Variants in TRANK1 observed in about 807,000 individuals in gnomAD.
The protein encoded by TRANK1 is TPR and ankyrin repeat-containing protein 1.
TRANK1 carries 198 observed loss-of-function variants against 266.0 expected under a neutral mutation model. That is an observed-to-expected ratio of 0.74 (90% CI 0.66 to 0.84). The LOEUF is 0.84. TRANK1 is among the 40% of genes least tolerant of loss of function. TRANK1 has a pLI of 0.00. For missense variants in TRANK1, 3,326 were observed against 3,634.6 expected, an observed-to-expected ratio of 0.92 and a Z score of 2.18; for synonymous variants, 1,396 against 1,384.1, an observed-to-expected ratio of 1.01 and a Z score of -0.19.
rs2079039610 is a variant in TRANK1 at position 36,855,506 on chromosome 3, C to T, written c.4216G>A (p.Gly1406Ser). ...AGAACATCCTCTTCATCAAAATAAC[C>T]TTTCTGGGACCTGATTTGCTGATAC... ...SLYQQIRSQK[G>S]YFDEEDVLYN... The change falls in exon 13 of 24, where the codon GGT becomes AGT. Residue 1406 changes from glycine to serine, a missense_variant. Transcript: ENST00000645898. 1 of 1,613,946 alleles carries T rather than the reference C, an allele frequency of 6.2e-7. No homozygotes were observed. Among genetic ancestry groups the T allele is most frequent in the Non-Finnish European group, 8.5e-7 (1 of 1,179,882 alleles).
Position 36,889,939 on chromosome 3 carries a change from C to T in TRANK1, c.797G>A (p.Trp266Ter). 1 of 1,537,158 alleles carries T rather than the reference C, an allele frequency of 6.5e-7. No homozygotes were observed. The highest frequency in any genetic ancestry group is 8.7e-7 in the Non-Finnish European group (1 of 1,146,876). ...IQARENHLFR[W>*]LMDHKPEWKG... ...CCACTCGGGCTTGTGATCCATTAAC[C>T]ACCGGAAAAGATGGTTTTCTCCTGA... The change falls in exon 8 of 24, where the codon TGG (tryptophan) becomes TAG (stop). Residue 266 changes from tryptophan (W) to a stop codon, truncating the protein, a stop_gained. Transcript: ENST00000645898. LOFTEE classifies it high-confidence loss of function.
chr3:36,873,162 G>A (rs1211885611), intron 9 of TRANK1, among the ~76,000 whole-genome samples: 1 of 152,116 alleles, frequency 6.6e-6, no homozygotes, highest in Non-Finnish European at 1.5e-5. Flanking sequence ...GAGGCAGGGG[G>A]GAGTGTAACT....
chr3:36,833,704 C>T lies in TRANK1; in HGVS notation c.5879G>A (p.Gly1960Asp), dbSNP rs756507766. The T allele has an allele frequency of 1.9e-6, 3 of 1,613,894 alleles. No individual in the cohort carries two copies. The highest frequency in any genetic ancestry group is 2.7e-5 in the African/African-American group (2 of 74,930). ...AEAADLLNRE[G>D]RREEAALLMK... ...CAGCAGGGCAGCCTCTTCTCTCCTA[C>T]CTTCCCTGTTCAGCAGGTCTGCAGC... The change falls in exon 22 of 24, where the codon GGT becomes GAT. Residue 1960 changes from glycine to aspartate, a missense_variant. Physicochemically the swap from Gly to Asp is moderately conservative, Grantham distance 94. Transcript: ENST00000645898.
chr3:36,858,163 C>A (rs921816681), intron 12 of TRANK1, 114 bp from the exon 13 acceptor site: 2 of 868,632 alleles, frequency 2.3e-6, no homozygotes, highest in Non-Finnish European at 3.4e-6. Context: ...CTGAACTCCC[C>A]CAAAAAATCT....
intron 1 of TRANK1, among the ~76,000 whole-genome samples, chr3:36,921,420 T>C (rs1253376916): frequency 6.6e-6 from 1 of 152,186 alleles, no homozygotes; most frequent in Non-Finnish European, 1.5e-5. Flanking sequence ...GCTATTTCCT[T>C]GCGGCACCGA....
chr3:36,892,242 C>A lies in TRANK1; in HGVS notation c.735G>T (p.Pro245=). ...GTCGCATGAGGGCATGAAGGGGATA[C>A]GGTCCTATAGTCTCAACACTTGCAC... is the stretch of plus-strand genomic sequence containing the variant. ...SIGASVETIG[P]YPLHALMRLC... Residue 245 remains proline (P), a synonymous_variant, in exon 7 of 24, where the codon CCG becomes CCT. Transcript: ENST00000645898. 4 of 1,536,948 alleles carry A rather than the reference C, an allele frequency of 2.6e-6. No homozygotes were observed. Among genetic ancestry groups the A allele is most frequent in the Non-Finnish European group, 2.6e-6 (3 of 1,146,794 alleles).
intron 1 of TRANK1, 75 bp downstream of exon 1, chr3:36,944,712 G>C: frequency 6.8e-7 from 1 of 1,481,404 alleles, no homozygotes; most frequent in East Asian, 2.8e-5. Context: ...CCCCGCGCGC[G>C]GCCGCCTCCC....
intron 15 of TRANK1, chr3:36,850,764 C>T (rs1010442155): frequency 4.9e-5 from 48 of 985,186 alleles, no homozygotes; most frequent in African/African-American, 5.2e-5. Context: ...GGCAAAATAA[C>T]ATTTAAAAAA....
rs1445850874 is a variant in TRANK1 at position 36,913,636 on chromosome 3, T to C, written c.24-5182A>G. 5.3e-5 allele frequency among the ~76,000 whole-genome samples: 8 copies of C among 152,088 alleles called. No individual in the cohort carries two copies. The East Asian group carries it at 1.3e-3, about 26-fold the overall frequency. On this transcript the variant is annotated intron_variant, in intron 1 of 23. Coordinates refer to ENST00000645898, the MANE Select transcript of TRANK1 (RefSeq NM_001329998.2). Reference sequence around the variant, plus strand: ...GGGGACTTCAATGTGTTTTGTTTTGTTTTTTTCTTTTTTTCTTGGGGAAAG... The same window carrying C: ...GGGGACTTCAATGTGTTTTGTTTTGCTTTTTTCTTTTTTTCTTGGGGAAAG...
intron 15 of TRANK1, among the ~76,000 whole-genome samples, chr3:36,849,299 G>A (rs2078956837): frequency 6.6e-6 from 1 of 152,188 alleles, no homozygotes; most frequent in Non-Finnish European, 1.5e-5. Context: ...AGTCCCCACA[G>A]AAGGATAGCT....
chr3:36,883,307 C>A (rs2079556470), intron 8 of TRANK1, among the ~76,000 whole-genome samples: 1 of 151,636 alleles, frequency 6.6e-6, no homozygotes, highest in African/African-American at 2.4e-5. Flanking sequence ...AATAGTGGGG[C>A]ATGGTAGCAC....
chr3:36,865,024 G>GTTTTTTTTTTTTTTTTTTTT (rs34540496), intron 9 of TRANK1, among the ~76,000 whole-genome samples: 2 of 119,808 alleles, frequency 1.7e-5, no homozygotes, highest in African/African-American at 6.7e-5. Flanking sequence ...TGTTTTTTTG[G>GTTTTTTTTTTTTTTTTTTTT]TTTTTTTTTT....
intron 8 of TRANK1, among the ~76,000 whole-genome samples, chr3:36,884,057 A>G (rs1048718248): frequency 7.2e-5 from 11 of 152,246 alleles, no homozygotes; most frequent in African/African-American, 2.7e-4. Context: ...AAATTCATAG[A>G]CTGAATAAGT....
At chr3:36,868,453 G>C (rs1210380015) in intron 9 of TRANK1, among the ~76,000 whole-genome samples, 3 of 152,084 alleles carry the variant, frequency 2.0e-5, no homozygotes, top group South Asian at 4.1e-4. Context: ...AGAAGTAATA[G>C]AAAATAGAAA....
intron 2 of TRANK1, among the ~76,000 whole-genome samples, chr3:36,903,596 A>G (rs551018367): frequency 6.6e-6 from 1 of 152,344 alleles, no homozygotes; most frequent in Non-Finnish European, 1.5e-5. Context: ...AATCGGCTTC[A>G]GGTAAGAGGC....
At chr3:36,894,608 T>C (rs1410016284) in intron 5 of TRANK1, among the ~76,000 whole-genome samples, 1 of 151,986 alleles carries the variant, frequency 6.6e-6, no homozygotes, top group East Asian at 1.9e-4. Flanking sequence ...CTCCAGGAGG[T>C]TTCCCATGAA....
At chr3:36,927,630 T>G (rs1396346931) in intron 1 of TRANK1, among the ~76,000 whole-genome samples, 4 of 152,192 alleles carry the variant, frequency 2.6e-5, no homozygotes, top group African/African-American at 7.2e-5. Context: ...CACCTACAAC[T>G]GTCTTGGGAA....
At position 36,858,951 on chromosome 3, in the gene TRANK1, C is replaced by T. The variant is rs114105046; in HGVS notation, c.1496-57G>A. 1.2e-3 allele frequency: 1,668 copies of T among 1,444,134 alleles called. 7 individuals carry two copies. The African/African-American group carries it at 0.012, about 11-fold the overall frequency. 89.5% of individuals were successfully genotyped at this position (1,444,134 alleles called of 1,614,324 possible). On this transcript the variant is annotated intron_variant, in intron 11 of 23. Coordinates refer to ENST00000645898, the MANE Select transcript of TRANK1 (RefSeq NM_001329998.2). ...AGCAGGCACAGCCTGGCTCGCCTGA[C>T]GAGAGAAGGAATGCTTCAGTTATTC...
intron 1 of TRANK1, among the ~76,000 whole-genome samples, chr3:36,915,063 T>C (rs922861824): frequency 6.6e-6 from 1 of 152,226 alleles, no homozygotes; most frequent in Non-Finnish European, 1.5e-5. Context: ...GCCATTCTCC[T>C]GCCTCAGCCT....
Sources: allele counts gnomAD v4.1 joint callset (sites outside exome capture counted in the v4.1 genomes callset), GRCh38; gene constraint gnomAD v4.1.1; transcripts MANE v1.5; gene names NCBI Gene and HGNC (gene_info 2026-07-23, HGNC 2026-07-21).